The following FADS1 variants were observed in gnomAD, a reference collection of about 807,000 sequenced individuals.
FADS1 encodes the protein acyl-CoA (8-3)-desaturase.
Under a neutral mutation model 61.6 loss-of-function variants are expected in FADS1, and 17 were observed. The observed-to-expected ratio is 0.28, with a 90% CI of 0.19 to 0.41. FADS1 has a LOEUF of 0.41. Ranked by LOEUF, FADS1 falls within the 10% of genes least tolerant of loss-of-function variation. FADS1 has a pLI of 1.00. For missense variants in FADS1, 387 were observed against 650.9 expected (o/e 0.59, Z 4.41); for synonymous variants, 238 against 258.7 (o/e 0.92, Z 0.77).
At position 61,807,734 on chromosome 11, in the gene FADS1, A is replaced by G. The variant is rs181216940; in HGVS notation, c.916-1010T>C. Among the ~76,000 whole-genome samples, 37 of 152,244 alleles carry G rather than the reference A, an allele frequency of 2.4e-4. 2 individuals carry two copies. Among genetic ancestry groups the G allele is most frequent in the African/African-American group, 2.4e-5 (1 of 41,508 alleles). On this transcript the variant is annotated intron_variant, in intron 5 of 11. Coordinates refer to ENST00000350997, the MANE Select transcript of FADS1 (RefSeq NM_013402.7). ...CAAAGTTCTGCTGTCTCACTCCATG[A>G]CTATGTCTGCATCGCACTCCAATTA...
In FADS1 at chr11:61,813,736, C is replaced by T. The variant is rs866485271; in HGVS notation, c.376-383G>A. ...ATCCCAGCACTTTGGGAGGCCAAGG[C>T]GGGTGGATCACGAGGTCAGGAGATC... On this transcript the variant is annotated intron_variant, in intron 1 of 11. Transcript: ENST00000350997. Among the ~76,000 whole-genome samples, 124 of 152,034 alleles carry T rather than the reference C, an allele frequency of 8.2e-4. 1 individual carries two copies. The highest frequency in any genetic ancestry group is 1.6e-3 in the Non-Finnish European group (108 of 67,986).
intron 5 of FADS1, 174 bp downstream of exon 5, chr11:61,810,577 G>A: frequency 1.4e-6 from 1 of 716,136 alleles, no homozygotes; most frequent in Non-Finnish European, 2.3e-6. Flanking sequence ...CTCCCTCCTG[G>A]GCAGCCCCCA....
In FADS1 at chr11:61,816,828, C is replaced by G. The variant is rs1289250976; in HGVS notation, c.102G>C (p.Trp34Cys). 10 of 1,495,316 alleles carry G rather than the reference C, an allele frequency of 6.7e-6. No homozygotes were observed. The highest frequency in any genetic ancestry group is 8.0e-6 in the Non-Finnish European group (9 of 1,132,014). 92.6% of individuals were successfully genotyped at this position (1,495,316 alleles called of 1,614,324 possible). Residue 34 changes from tryptophan to cysteine, a missense_variant, in exon 1 of 12, where the codon TGG becomes TGC. Trp to Cys is a radical substitution (Grantham distance 215). Transcript: ENST00000350997. The surrounding 1 kb of genome is among the most constrained non-coding windows in gnomAD (Gnocchi z 7.0). ...GGCGCGTGCTCGGGGTCCGCGGGCT[C>G]CAGGAGTGGATTTGCTGGCGCGCGC... ...ALGARQQIHS[W>C]SPRTPSTRLT...
chr11:61,811,309 A>G (rs1591153480), intron 3 of FADS1, among the ~76,000 whole-genome samples: 1 of 149,268 alleles, frequency 6.7e-6, no homozygotes, highest in African/African-American at 2.5e-5. Context: ...GAAGCTCATG[A>G]CTTTTTTTTT....
Position 61,812,478 on chromosome 11 carries a change from G to A in FADS1, c.677C>T (p.Ala226Val), listed in dbSNP as rs774733615. The change falls in exon 3 of 12, where the codon GCA becomes GTA. Residue 226 changes from alanine to valine, a missense_variant. By Grantham distance (64) the Ala-to-Val change is moderately conservative. Around this residue, in one of 2 missense-constraint regions of FADS1, gnomAD observed 257 missense variants for 533.3 expected, o/e 0.48. Coordinates refer to ENST00000350997, the MANE Select transcript of FADS1 (RefSeq NM_013402.7). Reference protein sequence around the residue: ...PFLLCAVLLSAVQAQAGWLQH... With the variant: ...PFLLCAVLLSVVQAQAGWLQH... The stretch of plus-strand genomic sequence containing the variant: ...CAAGCCAAAGGCTCTCACCTGAACT[G>A]CACTGAGCAGCACCGCACAGAGGAG... The A allele has an allele frequency of 6.2e-7, 1 of 1,613,820 alleles. No homozygotes were observed. The highest frequency in any genetic ancestry group is 8.5e-7 in the Non-Finnish European group (1 of 1,179,908).
At chr11:61,808,616 C>T (rs988970868) in intron 5 of FADS1, among the ~76,000 whole-genome samples, 3 of 152,222 alleles carry the variant, frequency 2.0e-5, no homozygotes, top group African/African-American at 7.2e-5. Flanking sequence ...ATCATAAAGG[C>T]ATTTGCCATT....
At chr11:61,804,821 G>T (rs1158734640) in intron 6 of FADS1, 60 bp from the exon 7 acceptor site, 1 of 1,423,202 alleles carries the variant, frequency 7.0e-7, no homozygotes, top group African/African-American at 1.4e-5. Flanking sequence ...GAAAGGGCCA[G>T]TTGATGTTGG....
Position 61,803,236 on chromosome 11 carries a change from G to T in FADS1, c.1249-125C>A. On this transcript the variant is annotated intron_variant, in intron 9 of 11. Transcript: ENST00000350997. The surrounding 1 kb of genome is among the most constrained non-coding windows in gnomAD (Gnocchi z 4.3). ...TCTTGGTCACTCCCTTCACATGGTTGCAGAACAAGAGCCTCAGGCTAATGA... is the reference window on the plus strand; with the variant it reads ...TCTTGGTCACTCCCTTCACATGGTTTCAGAACAAGAGCCTCAGGCTAATGA... The T allele has an allele frequency of 1.6e-6, 2 of 1,240,894 alleles. No individual in the cohort carries two copies. Among genetic ancestry groups the T allele is most frequent in the Non-Finnish European group, 2.4e-6 (2 of 844,668 alleles). The allele number at this position is 1,240,894 out of a possible 1,614,324, so 76.9% of individuals were successfully genotyped here.
intron 1 of FADS1, chr11:61,813,564 G>A (rs984743783): frequency 1.8e-6 from 1 of 558,590 alleles, no homozygotes; most frequent in Non-Finnish European, 3.1e-6. Context: ...GTGCTCTTTA[G>A]CTAGCTAGAG....
rs1479047846 is a variant in FADS1, at chr11:61,813,371, A to AGATGAAAGGTGAGGGAGCC, written c.376-37_376-19dup. The AGATGAAAGGTGAGGGAGCC allele has an allele frequency of 1.3e-6, 2 of 1,496,374 alleles. No homozygotes were observed. The highest frequency in any genetic ancestry group is 2.8e-5 in the African/African-American group (2 of 72,226). 92.7% of individuals were successfully genotyped at this position (1,496,374 alleles called of 1,614,324 possible). On this transcript the variant is annotated intron_variant, in intron 1 of 11. Coordinates refer to ENST00000350997, the MANE Select transcript of FADS1 (RefSeq NM_013402.7). ...AAGGGATCCTGCAAGTGCCGGGAGA[A>AGATGAAAGGTGAGGGAGCC]GATGAAAGGTGAGGGAGCCAGCCCC...
chr11:61,816,987 C>T lies in FADS1; in HGVS notation c.-58G>A. On this transcript the variant is annotated 5_prime_UTR_variant, in exon 1 of 12. Transcript: ENST00000350997. This position sits in a 1 kb window ranked among gnomAD's most constrained non-coding sequence, Gnocchi z 7.0. ...CCGTCCCCCGGTGGGTCTTGGGCAA[C>T]TCACAGCTGGGCTGCCAACACGCGC... The T allele has an allele frequency of 7.4e-7, 1 of 1,343,948 alleles. No homozygotes were observed. The allele number at this position is 1,343,948 out of a possible 1,614,324, so 83.3% of individuals were successfully genotyped here.
At position 61,802,497 on chromosome 11, in the gene FADS1, G is replaced by T; in HGVS notation, c.1455-35C>A. 1 of 1,549,116 alleles carries T rather than the reference G, an allele frequency of 6.5e-7. No individual in the cohort carries two copies. Among genetic ancestry groups the T allele is most frequent in the Non-Finnish European group, 8.7e-7 (1 of 1,143,644 alleles). ...CAAAATGGGGGCAGACAGTGAGGGA[G>T]ACAAGCAGAGTTGAACCCACCGGAG... On this transcript the variant is annotated intron_variant, in intron 11 of 11. Coordinates refer to ENST00000350997, the MANE Select transcript of FADS1 (RefSeq NM_013402.7). This position sits in a 1 kb window ranked among gnomAD's most constrained non-coding sequence, Gnocchi z 4.2.
intron 1 of FADS1, chr11:61,813,610 C>G (rs1377278352): frequency 2.4e-5 from 11 of 450,364 alleles, no homozygotes; most frequent in Non-Finnish European, 3.5e-5. Flanking sequence ...TAAAATGGAC[C>G]AATCAGTGCT....
chr11:61,807,001 CTTGTGTTCATTCTCT>C (rs2066899320), intron 5 of FADS1, among the ~76,000 whole-genome samples: 1 of 152,254 alleles, frequency 6.6e-6, no homozygotes, highest in Non-Finnish European at 1.5e-5. Flanking sequence ...CACAGGCCCT[CTTGTGTTCATTCTCT>C]TTGTCATGAG....
chr11:61,803,017 A>G lies in FADS1; in HGVS notation c.1328+15T>C, dbSNP rs184095293. The G allele has an allele frequency of 2.1e-5, 34 of 1,614,122 alleles. No individual in the cohort carries two copies. In the African/African-American group the frequency reaches 4.0e-4, roughly 19 times the overall value. ...ACCCTCCCCAGGACCCTGCTTCCCC[A>G]GGCTCCCTACTCACTGGTGCTCAAT... On this transcript the variant is annotated intron_variant, in intron 10 of 11. Coordinates refer to ENST00000350997, the MANE Select transcript of FADS1 (RefSeq NM_013402.7). The surrounding 1 kb of genome is among the most constrained non-coding windows in gnomAD (Gnocchi z 4.3).
At position 61,812,664 on chromosome 11, in the gene FADS1, T is replaced by A. The variant is rs988619168; in HGVS notation, c.491A>T (p.Glu164Val). ...QPSFEPTKNK[E>V]LTDEFRELRA... ...CAGCTCCCGGAACTCATCTGTCAGCTCTTTCTGCAGAAGAGGAAGAGGAGC... is the reference window on the plus strand; with the variant it reads ...CAGCTCCCGGAACTCATCTGTCAGCACTTTCTGCAGAAGAGGAAGAGGAGC... Residue 164 changes from glutamate (E) to valine (V), a missense_variant, in exon 3 of 12, where the codon GAG becomes GTG. By Grantham distance (121) the Glu-to-Val change is moderately radical (BLOSUM62 -2). Coordinates refer to ENST00000350997, the MANE Select transcript of FADS1 (RefSeq NM_013402.7). 1.2e-6 allele frequency: 2 copies of A among 1,613,676 alleles called. No homozygotes were observed. The highest frequency in any genetic ancestry group is 2.7e-5 in the African/African-American group (2 of 74,892).
rs2066865131 is a variant in FADS1, at chr11:61,802,736, C to G, written c.1454+65G>C. On this transcript the variant is annotated intron_variant, in intron 11 of 11. Transcript: ENST00000350997. The surrounding 1 kb of genome is among the most constrained non-coding windows in gnomAD (Gnocchi z 4.2). Reference sequence around the variant, plus strand: ...TCTGTTCACTCCCCACCCTACATGTCATCATTTCCATTGCCCTGCCCTCTT... The same window carrying G: ...TCTGTTCACTCCCCACCCTACATGTGATCATTTCCATTGCCCTGCCCTCTT... The G allele has an allele frequency of 3.1e-6, 5 of 1,605,222 alleles. No individual in the cohort carries two copies. The Admixed American group carries it at 5.0e-5, about 16-fold the overall frequency.
In FADS1 at chr11:61,803,121, A is replaced by G; in HGVS notation, c.1249-10T>C. 6.2e-7 allele frequency: 1 copy of G among 1,614,008 alleles called. No individual in the cohort carries two copies. The highest frequency in any genetic ancestry group is 8.5e-7 in the Non-Finnish European group (1 of 1,179,898). ...TGCATGTGGCCTGGAGCTGGCGGAA[A>G]AGGTCAGGGGAGAGCATGTTGAATA... On this transcript the variant is annotated splice_polypyrimidine_tract_variant and intron_variant, in intron 9 of 11. Coordinates refer to ENST00000350997, the MANE Select transcript of FADS1 (RefSeq NM_013402.7). This position sits in a 1 kb window ranked among gnomAD's most constrained non-coding sequence, Gnocchi z 4.3.
At position 61,816,810 on chromosome 11, in the gene FADS1, G is replaced by T; in HGVS notation, c.120C>A (p.Ser40Arg). ...QIHSWSPRTPSTRLTAPAGPA... is the reference protein window; with the variant it reads ...QIHSWSPRTPRTRLTAPAGPA... ...GGCCAGCAGGGGCTGTCAGGCGCGT[G>T]CTCGGGGTCCGCGGGCTCCAGGAGT... The change falls in exon 1 of 12, where the codon AGC (serine) becomes AGA (arginine). Residue 40 changes from serine to arginine, a missense_variant. This residue lies in a region of FADS1 where 130 missense variants were observed against 117.7 expected (regional missense o/e 1.10). Transcript: ENST00000350997. This position sits in a 1 kb window ranked among gnomAD's most constrained non-coding sequence, Gnocchi z 7.0. 1 of 1,495,570 alleles carries T rather than the reference G, an allele frequency of 6.7e-7. No homozygotes were observed. The highest frequency in any genetic ancestry group is 8.8e-7 in the Non-Finnish European group (1 of 1,132,628). The allele number at this position is 1,495,570 out of a possible 1,614,324, so 92.6% of individuals were successfully genotyped here. A position where few individuals can be genotyped will look rare whatever the true frequency, so the allele number is the denominator to read the frequency against.
Sources: gnomAD v4.1 joint callset for allele counts (sites outside exome capture counted in the v4.1 genomes callset) on GRCh38, gnomAD v4.1.1 for gene constraint, gnomAD v4.1.1 regional missense constraint, Gnocchi (gnomAD v3.1) non-coding constraint, MANE v1.5 for transcripts, NCBI Gene and HGNC (gene_info 2026-07-23, HGNC 2026-07-21) for gene names.